ARHGAP15: variants seen among roughly 807,000 people sequenced by gnomAD.
ARHGAP15 encodes the protein Rho GTPase activating protein 15, also known as rho GTPase-activating protein 15.
In ARHGAP15, 51 loss-of-function variants were observed where a neutral mutation model predicts 63.7. That is an observed-to-expected ratio of 0.80 (90% CI 0.64 to 1.01). ARHGAP15 has a LOEUF of 1.01. ARHGAP15 is among the 50% of genes least tolerant of loss of function. ARHGAP15 has a pLI of 0.00. For synonymous variants in ARHGAP15, 191 were observed against 193.8 expected (o/e 0.99, Z 0.12); for missense variants, 560 against 564.6 (o/e 0.99, Z 0.08).
chr2:143,254,641 A>G (rs2104992182), intron 6 of ARHGAP15, among the ~76,000 whole-genome samples: 1 of 152,234 alleles, frequency 6.6e-6, no homozygotes, highest in South Asian at 2.1e-4. Flanking sequence ...GTCTCAGAGC[A>G]CTATAATTAT....
chr2:143,374,516 C>CT (rs926105323), intron 6 of ARHGAP15, among the ~76,000 whole-genome samples: 1 of 151,858 alleles, frequency 6.6e-6, no homozygotes, highest in Non-Finnish European at 1.5e-5. Context: ...TTTCTGTTTG[C>CT]TTTTTTGAGA....
At chr2:143,695,594 T>C (rs1002424754) in intron 12 of ARHGAP15, among the ~76,000 whole-genome samples, 4 of 152,100 alleles carry the variant, frequency 2.6e-5, no homozygotes, top group Non-Finnish European at 5.9e-5. Flanking sequence ...TTAAGCAGGA[T>C]ATGGTGGCTC....
chr2:143,195,490 A>G (rs1691856706), intron 2 of ARHGAP15, among the ~76,000 whole-genome samples: 1 of 152,174 alleles, frequency 6.6e-6, no homozygotes, highest in African/African-American at 2.4e-5. Context: ...ATTAACTGTA[A>G]AGAAAAAAAA....
intron 6 of ARHGAP15, among the ~76,000 whole-genome samples, chr2:143,376,506 A>G (rs1213786259): frequency 6.6e-6 from 1 of 152,180 alleles, no homozygotes; most frequent in Non-Finnish European, 1.5e-5. Flanking sequence ...AGCTTTGTAT[A>G]TTATGAGCTA....
At chr2:143,476,848 G>C (rs1326774156) in intron 8 of ARHGAP15, among the ~76,000 whole-genome samples, 2 of 152,138 alleles carry the variant, frequency 1.3e-5, no homozygotes, top group Admixed American at 6.6e-5. Context: ...CTTTTTGCTG[G>C]ATGTGTTACA....
At chr2:143,284,192 A>T (rs1168576891) in intron 6 of ARHGAP15, among the ~76,000 whole-genome samples, 2 of 152,208 alleles carry the variant, frequency 1.3e-5, no homozygotes, top group African/African-American at 4.8e-5. Context: ...GCAAAGACGT[A>T]CAAAAAACTG....
At chr2:143,467,397 T>G (rs941975980) in intron 8 of ARHGAP15, among the ~76,000 whole-genome samples, 2 of 152,002 alleles carry the variant, frequency 1.3e-5, no homozygotes, top group African/African-American at 4.8e-5. Flanking sequence ...TTTAAGTACT[T>G]GTTAGACTTT....
At chr2:143,484,549 A>G (rs1406301719) in intron 8 of ARHGAP15, among the ~76,000 whole-genome samples, 1 of 151,956 alleles carries the variant, frequency 6.6e-6, no homozygotes, top group African/African-American at 2.4e-5. Flanking sequence ...ATGAATAAAT[A>G]ATAAAAATAA....
chr2:143,552,828 T>A (rs767252361), intron 10 of ARHGAP15, among the ~76,000 whole-genome samples: 1 of 152,164 alleles, frequency 6.6e-6, no homozygotes, highest in Non-Finnish European at 1.5e-5. Context: ...CCTGTCAGCA[T>A]TTACGGTCAT....
chr2:143,473,376 C>T (rs995428267), intron 8 of ARHGAP15, among the ~76,000 whole-genome samples: 2 of 152,266 alleles, frequency 1.3e-5, no homozygotes, highest in African/African-American at 4.8e-5. Flanking sequence ...AACAGCTAAA[C>T]TTTCTTTCTG....
At chr2:143,665,091 A>G (rs1300128648) in intron 12 of ARHGAP15, among the ~76,000 whole-genome samples, 2 of 151,984 alleles carry the variant, frequency 1.3e-5, no homozygotes, top group African/African-American at 4.8e-5. Context: ...TTCTGATACC[A>G]AAGCCTGGCA....
At chr2:143,310,553 A>T (rs904028303) in intron 6 of ARHGAP15, among the ~76,000 whole-genome samples, 11 of 151,486 alleles carry the variant, frequency 7.3e-5, no homozygotes, top group Non-Finnish European at 8.9e-5. Context: ...TATAAAATAA[A>T]TTGTTTTAAT....
chr2:143,380,140 G>T (rs1686999782), intron 6 of ARHGAP15, among the ~76,000 whole-genome samples: 1 of 152,096 alleles, frequency 6.6e-6, no homozygotes, highest in Non-Finnish European at 1.5e-5. Flanking sequence ...AGATAAAGCA[G>T]ATTAATGAGT....
chr2:143,369,568 G>A (rs1260409658), intron 6 of ARHGAP15, among the ~76,000 whole-genome samples: 1 of 151,982 alleles, frequency 6.6e-6, no homozygotes, highest in Admixed American at 6.6e-5. Context: ...ATTTTAAACA[G>A]ACTTCAATTT....
At chr2:143,557,251 A>G (rs1209282973) in intron 11 of ARHGAP15, among the ~76,000 whole-genome samples, 3 of 152,150 alleles carry the variant, frequency 2.0e-5, no homozygotes, top group East Asian at 1.9e-4. Context: ...GATGTCCTTC[A>G]ATAGGTGCAA....
At chr2:143,531,861 G>A (rs1187470184) in intron 10 of ARHGAP15, among the ~76,000 whole-genome samples, 4 of 152,224 alleles carry the variant, frequency 2.6e-5, no homozygotes, top group African/African-American at 7.2e-5. Flanking sequence ...TCTCATAAAC[G>A]TTTGTCAAGT....
At chr2:143,535,248 A>G (rs1694701017) in intron 10 of ARHGAP15, among the ~76,000 whole-genome samples, 1 of 151,964 alleles carries the variant, frequency 6.6e-6, no homozygotes, top group African/African-American at 2.4e-5. Flanking sequence ...TGTTGTACCC[A>G]TTTTCCCTTT....
chr2:143,320,569 C>T (rs772853108), intron 6 of ARHGAP15, among the ~76,000 whole-genome samples: 5 of 151,958 alleles, frequency 3.3e-5, no homozygotes, highest in South Asian at 2.1e-4. Flanking sequence ...CAAAGCGGGA[C>T]GCTACAATCT....
At chr2:143,298,678 C>T (rs1268655293) in intron 6 of ARHGAP15, among the ~76,000 whole-genome samples, 1 of 151,882 alleles carries the variant, frequency 6.6e-6, no homozygotes, top group African/African-American at 2.4e-5. Flanking sequence ...ATAAAATCCA[C>T]ATGCATGGTT....
Sources: allele counts gnomAD v4.1 joint callset (sites outside exome capture counted in the v4.1 genomes callset), GRCh38; gene constraint gnomAD v4.1.1; transcripts MANE v1.5; gene names NCBI Gene and HGNC (gene_info 2026-07-23, HGNC 2026-07-21).